The following INPP5E variants were observed in gnomAD, a reference collection of about 807,000 sequenced individuals.
INPP5E encodes the protein inositol polyphosphate-5-phosphatase E, also known as phosphatidylinositol polyphosphate 5-phosphatase type IV.
Under a neutral mutation model 50.5 loss-of-function variants are expected in INPP5E, and 34 were observed. The ratio of observed to expected loss-of-function variants is 0.67; its 90% CI spans 0.51 to 0.90. The LOEUF (loss-of-function observed/expected upper bound fraction) is 0.90. Ranked by LOEUF, INPP5E falls within the 40% of genes least tolerant of loss-of-function variation. The probability of loss-of-function intolerance (pLI) is 0.00; values close to 1 mark genes in which losing one functional copy is unlikely to be tolerated. For synonymous variants in INPP5E, 447 were observed against 406.0 expected (o/e 1.10, Z -1.21); for missense variants, 942 against 905.5 (o/e 1.04, Z -0.52).
chr9:136,438,905 G>T lies in INPP5E; in HGVS notation c.515C>A (p.Pro172Gln). 1 of 1,576,476 alleles carries T rather than the reference G, an allele frequency of 6.3e-7. No individual in the cohort carries two copies. Among genetic ancestry groups the T allele is most frequent in the East Asian group, 2.3e-5 (1 of 42,970 alleles). ...SGVASSSPNL[P>Q]HRDAAVAGSS... ...CCCCGCCACGGCGGCGTCTCTGTGC[G>T]GGAGGTTCGGGGAGCTGCTGGCCAC... Residue 172 changes from proline (P) to glutamine (Q), a missense_variant, in exon 1 of 10, where the codon CCG becomes CAG. Transcript: ENST00000371712.
Position 136,431,015 on chromosome 9 carries a change from G to GTCC in INPP5E, c.1649_1651dup (p.Arg550dup), listed in dbSNP as rs778019120. Reference sequence around the variant, plus strand: ...GGCAGGCCTCACCGTGTATGAGGGCGTCCTCTGCTTGGAGGTGCTGTCGTA... The same window carrying GTCC: ...GGCAGGCCTCACCGTGTATGAGGGCGTCCTCCTCTGCTTGGAGGTGCTGTCGTA... On this transcript the variant is annotated inframe_insertion, in exon 8 of 10. Coordinates refer to ENST00000371712, the MANE Select transcript of INPP5E (RefSeq NM_019892.6). 1.1e-4 allele frequency: 178 copies of GTCC among 1,610,930 alleles called. No individual in the cohort carries two copies. Among genetic ancestry groups the GTCC allele is most frequent in the Non-Finnish European group, 1.5e-4 (172 of 1,177,712 alleles).
Position 136,431,071 on chromosome 9 carries a change from T to C in INPP5E, c.1596A>G (p.Pro532=). 7 of 1,613,178 alleles carry C rather than the reference T, an allele frequency of 4.3e-6. No individual in the cohort carries two copies. The highest frequency in any genetic ancestry group is 5.1e-6 in the Non-Finnish European group (6 of 1,179,676). ...GFQEPDIHFL[P]SYKFDIGKDT... ...CCTTCCCGATGTCAAACTTGTATGA[T>C]GGGAGGAAGTGGATGTCCGGCTCCT... The change falls in exon 8 of 10, where the codon CCA becomes CCG. Residue 532 remains proline (P), a synonymous_variant. Transcript: ENST00000371712.
chr9:136,436,767 C>CA (rs996476421), intron 1 of INPP5E: 3 of 152,416 alleles, frequency 2.0e-5, no homozygotes, highest in South Asian at 4.1e-4. Context: ...CACTGGCACA[C>CA]AGACGCCCTT....
At position 136,429,801 on chromosome 9, in the gene INPP5E, C is replaced by A; in HGVS notation, c.1809G>T (p.Pro603=). ...CTCTATCAAATTTGCCAGCTGCCAA[C>A]GGAATGCTGTGGAGGAGGAGGGGGC... ...VKVRPGRDNI[P]LAAGKFDREL... The change falls in exon 10 of 10, where the codon CCG becomes CCT. Residue 603 remains proline (P), a synonymous_variant. Transcript: ENST00000371712. The A allele has an allele frequency of 6.2e-7, 1 of 1,611,466 alleles. No homozygotes were observed. Among genetic ancestry groups the A allele is most frequent in the Non-Finnish European group, 8.5e-7 (1 of 1,179,598 alleles).
At chr9:136,436,731 G>C (rs1004428716) in intron 1 of INPP5E, 5 of 152,298 alleles carry the variant, frequency 3.3e-5, no homozygotes, top group African/African-American at 1.2e-4. Context: ...AAAGAGCGAG[G>C]TTCCAATGTA....
chr9:136,435,807 C>G (rs1019297570), intron 1 of INPP5E: 1 of 152,186 alleles, frequency 6.6e-6, no homozygotes, highest in Non-Finnish European at 1.5e-5. Flanking sequence ...CAGCCGTGTG[C>G]CCGAGACGCT....
rs368026621 is a variant in INPP5E at position 136,430,336 on chromosome 9, C to T, written c.1743G>A (p.Thr581=). 2.2e-4 allele frequency: 340 copies of T among 1,553,096 alleles called. 1 individual carries two copies. The highest frequency in any genetic ancestry group is 2.1e-3 in the South Asian group (179 of 84,146). The part of the protein sequence containing the change: ...VSYSSCPGIK[T]SDHRPVYGLF... ...GGCCATACACAGGGCGGTGGTCGGACGTCTTGATCCCGGGGCAGGAAGAGT... is the reference window on the plus strand; with the variant it reads ...GGCCATACACAGGGCGGTGGTCGGATGTCTTGATCCCGGGGCAGGAAGAGT... Residue 581 remains threonine, a synonymous_variant, in exon 9 of 10, where the codon ACG becomes ACA. Transcript: ENST00000371712.
chr9:136,434,912 T>TG, intron 1 of INPP5E, 49 bp from the exon 2 acceptor site: 1 of 1,573,960 alleles, frequency 6.4e-7, no homozygotes, highest in Non-Finnish European at 8.6e-7. Flanking sequence ...GACACATCCC[T>TG]GGGGGTCTGG....
Position 136,432,530 on chromosome 9 carries a change from G to A in INPP5E, c.1336C>T (p.Leu446=). The A allele has an allele frequency of 1.3e-6, 2 of 1,551,608 alleles. No homozygotes were observed. Among genetic ancestry groups the A allele is most frequent in the Non-Finnish European group, 1.7e-6 (2 of 1,147,396 alleles). The stretch of plus-strand genomic sequence containing the variant: ...TCGGGCACATTTCTGGGCAGGACCA[G>A]GGCTTGTACAGTCCTGGTGTAGTCC... ...LLDYTRTVQA[L]VLPRNVPDTN... is the part of the protein sequence containing the mutation. The change falls in exon 6 of 10, where the codon CTG becomes TTG. Residue 446 remains leucine, a synonymous_variant. Coordinates refer to ENST00000371712, the MANE Select transcript of INPP5E (RefSeq NM_019892.6).
In INPP5E at chr9:136,433,241, G is replaced by A. The variant is rs1835755632; in HGVS notation, c.1073C>T (p.Pro358Leu). The A allele has an allele frequency of 3.1e-6, 5 of 1,592,738 alleles. No homozygotes were observed. Among genetic ancestry groups the A allele is most frequent in the Non-Finnish European group, 4.2e-6 (5 of 1,177,030 alleles). The part of the protein sequence containing the change: ...WETRLQETLG[P>L]HYVLLSSAAH... ...CGCCGAGGACAGCAGCACATAGTGC[G>A]GGCCCAGCGTCTCCTGCAGACGAGT... Residue 358 changes from proline (P) to leucine (L), a missense_variant, in exon 4 of 10, where the codon CCG (proline) becomes CTG (leucine). Transcript: ENST00000371712.
chr9:136,430,987 G>A lies in INPP5E; in HGVS notation c.1665+15C>T, dbSNP rs1835685769. The A allele has an allele frequency of 4.5e-6, 7 of 1,558,474 alleles. No homozygotes were observed. The East Asian group carries it at 1.3e-4, about 30-fold the overall frequency. Reference sequence around the variant, plus strand: ...CCTGGAAGCACTCTGCACCGCAGCGGTGGGCAGGCCTCACCGTGTATGAGG... The same window carrying A: ...CCTGGAAGCACTCTGCACCGCAGCGATGGGCAGGCCTCACCGTGTATGAGG... On this transcript the variant is annotated intron_variant, in intron 8 of 9. Coordinates refer to ENST00000371712, the MANE Select transcript of INPP5E (RefSeq NM_019892.6).
chr9:136,437,129 C>CAGGAG (rs1835847792), intron 1 of INPP5E: 1 of 152,228 alleles, frequency 6.6e-6, no homozygotes, highest in Non-Finnish European at 1.5e-5. Context: ...CCATCCATGA[C>CAGGAG]AGGAGGAGAG....
chr9:136,431,905 C>A lies in INPP5E; in HGVS notation c.1468G>T (p.Asp490Tyr), dbSNP rs757222534. 4.3e-6 allele frequency: 7 copies of A among 1,611,150 alleles called. No homozygotes were observed. Among genetic ancestry groups the A allele is most frequent in the Non-Finnish European group, 5.9e-6 (7 of 1,179,552 alleles). ...FRLSGGRTVVDALLCQGLVVD... is the reference protein window; with the variant it reads ...FRLSGGRTVVYALLCQGLVVD... Reference sequence around the variant, plus strand: ...ACCAGGCCCTGGCACAGGAGGGCGTCCACGACTGTGCGCCCGCCACTCAGG... The same window carrying A: ...ACCAGGCCCTGGCACAGGAGGGCGTACACGACTGTGCGCCCGCCACTCAGG... The change falls in exon 7 of 10, where the codon GAC becomes TAC. Residue 490 changes from aspartate (D) to tyrosine (Y), a missense_variant. Asp to Tyr is a radical substitution (Grantham distance 160, BLOSUM62 -3). Transcript: ENST00000371712.
intron 2 of INPP5E, 118 bp from the exon 3 acceptor site, chr9:136,434,252 G>T (rs889958943): frequency 1.3e-6 from 1 of 744,322 alleles, no homozygotes; most frequent in Non-Finnish European, 2.3e-6. Flanking sequence ...GGAAACTGAG[G>T]CCAGGGCCAA....
Position 136,433,051 on chromosome 9 carries a change from G to C in INPP5E, c.1184C>G (p.Thr395Arg). 6.2e-7 allele frequency: 1 copy of C among 1,613,376 alleles called. No individual in the cohort carries two copies. The highest frequency in any genetic ancestry group is 8.5e-7 in the Non-Finnish European group (1 of 1,179,938). The part of the protein sequence containing the change: ...CSEVECSTVT[T>R]RIVSQIKTKG... ...GGTCTTGATCTGAGACACGATGCGTGTGGTCACCGTGGAGCACTCCACCTC... is the reference window on the plus strand; with the variant it reads ...GGTCTTGATCTGAGACACGATGCGTCTGGTCACCGTGGAGCACTCCACCTC... The change falls in exon 5 of 10, where the codon ACA becomes AGA. Residue 395 changes from threonine to arginine, a missense_variant. Physicochemically the swap from Thr to Arg is moderately conservative, Grantham distance 71 (BLOSUM62 -1). Transcript: ENST00000371712.
chr9:136,429,207 G>A lies in INPP5E; in HGVS notation c.*468C>T. 1 of 265,244 alleles carries A rather than the reference G, an allele frequency of 3.8e-6. No individual in the cohort carries two copies. Among genetic ancestry groups the A allele is most frequent in the South Asian group, 4.3e-5 (1 of 23,138 alleles). 16.4% of individuals were successfully genotyped at this position (265,244 alleles called of 1,614,324 possible). A position where few individuals can be genotyped will look rare whatever the true frequency, so the allele number is the denominator to read the frequency against. On this transcript the variant is annotated 3_prime_UTR_variant, in exon 10 of 10. Transcript: ENST00000371712. ...CCTAGCCCAGATCCAGCCTTGCTCT[G>A]GATACCCGTGTGACATGGGGTGGTG...
Position 136,439,153 on chromosome 9 carries a change from C to G in INPP5E, c.267G>C (p.Lys89Asn). The G allele has an allele frequency of 6.3e-7, 1 of 1,575,088 alleles. No individual in the cohort carries two copies. Among genetic ancestry groups the G allele is most frequent in the Non-Finnish European group, 8.6e-7 (1 of 1,165,410 alleles). The change falls in exon 1 of 10, where the codon AAG becomes AAC. Residue 89 changes from lysine to asparagine, a missense_variant. Transcript: ENST00000371712. ...CTCGAAAACGCCTCCTCCTCCAGCC[C>G]TTGTCGTCCAGGGACAGGGCTCGCT... Reference protein sequence around the residue: ...RLERALSLDDKGWRRRRFRGS... With the variant: ...RLERALSLDDNGWRRRRFRGS...
intron 1 of INPP5E, chr9:136,435,660 C>G (rs1446065658): frequency 6.6e-6 from 1 of 152,270 alleles, no homozygotes; most frequent in East Asian, 1.9e-4. Flanking sequence ...ACACTCAGCA[C>G]CTTCTGCCAC....
intron 5 of INPP5E, 63 bp from the exon 6 acceptor site, chr9:136,432,649 C>T (rs1835736343): frequency 8.7e-7 from 1 of 1,150,778 alleles, no homozygotes; most frequent in Non-Finnish European, 1.3e-6. Context: ...CCCTAAAGCG[C>T]CGCACCTCTG....
Sources: gnomAD v4.1 joint callset for allele counts on GRCh38, gnomAD v4.1.1 for gene constraint, MANE v1.5 for transcripts, NCBI Gene and HGNC (gene_info 2026-07-23, HGNC 2026-07-21) for gene names.